The following TTN variants were observed in gnomAD, a reference collection of about 807,000 sequenced individuals.
TTN encodes the protein connectin.
A neutral mutation model predicts 3,223.0 loss-of-function variants in TTN; 1,525 were observed. The ratio of observed to expected loss-of-function variants is 0.47; its 90% CI spans 0.45 to 0.49. TTN has a LOEUF of 0.49. Among genes scored for constraint, TTN ranks in the 20% least tolerant of loss-of-function variants. The probability of loss-of-function intolerance (pLI) is 0.00; values close to 1 mark genes in which losing one functional copy is unlikely to be tolerated. For missense variants in TTN, 40,786 were observed against 43,424.0 expected (o/e 0.94, Z 5.40); for synonymous variants, 14,094 against 15,161.0 (o/e 0.93, Z 5.17).
intron 93 of TTN, 37 bp from the exon 94 acceptor site, chr2:178,713,012 TTTGTGAATTGTTATG>T (rs757421542): frequency 3.7e-6 from 6 of 1,605,776 alleles, no homozygotes; most frequent in Non-Finnish European, 5.1e-6. Context: ...AGGTTTAGTA[TTTGTGAATTGTTATG>T]ACAAACATGC....
At chr2:178,695,323 T>C in intron 115 of TTN, 25 bp downstream of exon 115, 1 of 1,590,920 alleles carries the variant, frequency 6.3e-7, no homozygotes, top group Non-Finnish European at 8.6e-7. Flanking sequence ...TGCTCTAGTC[T>C]ATTTAAATAT....
Position 178,554,584 on chromosome 2 carries a change from A to G in TTN, c.88763T>C (p.Leu29588Ser), listed in dbSNP as rs551991700. 5 of 1,613,908 alleles carry G rather than the reference A, an allele frequency of 3.1e-6. No homozygotes were observed. Among genetic ancestry groups the G allele is most frequent in the African/African-American group, 2.7e-5 (2 of 75,030 alleles). Reference protein sequence around the residue: ...RVVWSMVSEHLEECIITTTKI... With the variant: ...RVVWSMVSEHSEECIITTTKI... ...GGTGGTTGTAATGATGCACTCTTCCAAATGTTCAGACACCATAGACCACAC... is the reference window on the plus strand; with the variant it reads ...GGTGGTTGTAATGATGCACTCTTCCGAATGTTCAGACACCATAGACCACAC... Residue 29588 changes from leucine to serine, a missense_variant, in exon 332 of 363, where the codon TTG (leucine) becomes TCG (serine). Coordinates refer to ENST00000589042, the MANE Select transcript of TTN (RefSeq NM_001267550.2).
At chr2:178,659,581 A>C (rs2064364258) in intron 180 of TTN, among the ~76,000 whole-genome samples, 1 of 148,888 alleles carries the variant, frequency 6.7e-6, no homozygotes, top group African/African-American at 2.5e-5. Flanking sequence ...ACCCACAGCC[A>C]GTATCATACT....
rs794727457 is a variant in TTN at position 178,558,343 on chromosome 2, A to G, written c.87116T>C (p.Leu29039Pro). 6.2e-7 allele frequency: 1 copy of G among 1,610,688 alleles called. No individual in the cohort carries two copies. Among genetic ancestry groups the G allele is most frequent in the Admixed American group, 1.7e-5 (1 of 59,212 alleles). Residue 29039 changes from leucine to proline, a missense_variant and splice_region_variant, in exon 327 of 363, where the codon CTA becomes CCA. Leu to Pro is a moderately conservative substitution (Grantham distance 98, BLOSUM62 -3). Transcript: ENST00000589042. ...CTTCTACACAAAATTAGACATACCTAGTTGCTCCTTAATAAGAACAGGAAG... is the reference window on the plus strand; with the variant it reads ...CTTCTACACAAAATTAGACATACCTGGTTGCTCCTTAATAAGAACAGGAAG... ...LLLPVLIKEQ[L>P]EPPEIDMKNF... is the part of the protein sequence containing the mutation.
rs2071842421 is a variant in TTN at position 178,689,732 on chromosome 2, AACTC to A, written c.31846+77_31846+80del. On this transcript the variant is annotated intron_variant, in intron 122 of 362. Coordinates refer to ENST00000589042, the MANE Select transcript of TTN (RefSeq NM_001267550.2). ...CAAAACATTCATTTAGAATTAAACTAACTCAATGAACAGATAATTAAACACAACA... is the reference window on the plus strand; with the variant it reads ...CAAAACATTCATTTAGAATTAAACTAAATGAACAGATAATTAAACACAACA... The A allele has an allele frequency of 4.4e-5, 64 of 1,457,318 alleles. No individual in the cohort carries two copies. In the South Asian group the frequency reaches 8.1e-4, roughly 19 times the overall value. The allele number at this position is 1,457,318 out of a possible 1,614,324, so 90.3% of individuals were successfully genotyped here.
rs2075142035 is a variant in TTN, at chr2:178,702,259, T to C, written c.30434-14A>G. On this transcript the variant is annotated splice_polypyrimidine_tract_variant and intron_variant, in intron 107 of 362. Coordinates refer to ENST00000589042, the MANE Select transcript of TTN (RefSeq NM_001267550.2). ...CCGAGTAGACACCTAGGGTGAAAAA[T>C]CATCCAACTTTTGTTTTCTGATATG... 6.2e-7 allele frequency: 1 copy of C among 1,613,808 alleles called. No individual in the cohort carries two copies. The highest frequency in any genetic ancestry group is 1.1e-5 in the South Asian group (1 of 91,078).
chr2:178,729,391 G>T lies in TTN; in HGVS notation c.18765C>A (p.Asn6255Lys). The part of the protein sequence containing the change: ...YTLTDRVSVF[N>K]LHITKCDPSD... ...AAGGGTCACACTTGGTTATATGGAG[G>T]TTAAACACAGACACTCTGTCGGTCA... The change falls in exon 64 of 363, where the codon AAC becomes AAA. Residue 6255 changes from asparagine (N) to lysine (K), a missense_variant. By Grantham distance (94) the Asn-to-Lys change is moderately conservative. Coordinates refer to ENST00000589042, the MANE Select transcript of TTN (RefSeq NM_001267550.2). The T allele has an allele frequency of 6.2e-7, 1 of 1,613,594 alleles. No homozygotes were observed. The highest frequency in any genetic ancestry group is 8.5e-7 in the Non-Finnish European group (1 of 1,179,656).
In TTN at chr2:178,576,168, C is replaced by G; in HGVS notation, c.69964G>C (p.Ala23322Pro). ...ATCACCGCTGGCTCCCCAACACCTG[C>G]ATCGTTGATGGCACTGATTCTGAAG... Reference protein sequence around the residue: ...YNFRISAINDAGVGEPAVIPD... With the variant: ...YNFRISAINDPGVGEPAVIPD... Residue 23322 changes from alanine (A) to proline (P), a missense_variant, in exon 326 of 363, where the codon GCA (alanine) becomes CCA (proline). Physicochemically the swap from Ala to Pro is conservative, Grantham distance 27. Transcript: ENST00000589042. The surrounding 1 kb of genome is among the most constrained non-coding windows in gnomAD (Gnocchi z 4.3). 6.2e-7 allele frequency: 1 copy of G among 1,613,100 alleles called. No homozygotes were observed. The highest frequency in any genetic ancestry group is 1.1e-5 in the South Asian group (1 of 90,972).
intron 103 of TTN, 28 bp downstream of exon 103, chr2:178,705,146 G>C: frequency 2.5e-6 from 4 of 1,601,076 alleles, no homozygotes; most frequent in Non-Finnish European, 3.4e-6. Flanking sequence ...GACTTTTTTA[G>C]CATGATGCTA....
chr2:178,601,326 G>A lies in TTN; in HGVS notation c.55671C>T (p.Asn18557=), dbSNP rs1345376529. 1.2e-6 allele frequency: 2 copies of A among 1,608,728 alleles called. No individual in the cohort carries two copies. Among genetic ancestry groups the A allele is most frequent in the Admixed American group, 1.7e-5 (1 of 59,754 alleles). ...QQYFFRVRAE[N]RFGIGPPVET... ...CCACAGGTGGGCCAATACCAAAACG[G>A]TTTTCTGCTCGCACACGGAAGAAAT... is the stretch of plus-strand genomic sequence containing the variant. Residue 18557 remains asparagine (N), a synonymous_variant, in exon 287 of 363, where the codon AAC becomes AAT. Transcript: ENST00000589042.
At position 178,563,979 on chromosome 2, in the gene TTN, C is replaced by T; in HGVS notation, c.82153G>A (p.Glu27385Lys). 6.2e-7 allele frequency: 1 copy of T among 1,613,698 alleles called. No homozygotes were observed. Residue 27385 changes from glutamate to lysine, a missense_variant, in exon 326 of 363, where the codon GAA becomes AAA. By Grantham distance (56) the Glu-to-Lys change is moderately conservative. Coordinates refer to ENST00000589042, the MANE Select transcript of TTN (RefSeq NM_001267550.2). The surrounding 1 kb of genome is among the most constrained non-coding windows in gnomAD (Gnocchi z 4.5). ...GPLKVTGVTA[E>K]KCYLAWNPPL... ...GGGTTCCATGCCAGGTAACATTTTTCCGCAGTAACTCCAGTAACTTTCAGA... is the reference window on the plus strand; with the variant it reads ...GGGTTCCATGCCAGGTAACATTTTTTCGCAGTAACTCCAGTAACTTTCAGA...
Position 178,599,080 on chromosome 2 carries a change from T to C in TTN, c.56648-18A>G. 2 of 1,523,136 alleles carry C rather than the reference T, an allele frequency of 1.3e-6. No individual in the cohort carries two copies. The highest frequency in any genetic ancestry group is 1.4e-5 in the South Asian group (1 of 73,966). 94.4% of individuals were successfully genotyped at this position (1,523,136 alleles called of 1,614,324 possible). On this transcript the variant is annotated intron_variant, in intron 290 of 362. Transcript: ENST00000589042. ...AGGGACAGCTGTGAAAAAGATCATA[T>C]TGATTATAAGAAATTTAAAAAAAAA...
intron 34 of TTN, 160 bp from the exon 35 acceptor site, chr2:178,770,835 T>A: frequency 1.0e-6 from 1 of 974,502 alleles, no homozygotes; most frequent in Non-Finnish European, 1.6e-6. Context: ...TGAGATTATT[T>A]AGGGGAACCT....
At chr2:178,665,590 T>C (rs1486233480) in intron 164 of TTN, 118 bp downstream of exon 164, 1 of 1,288,648 alleles carries the variant, frequency 7.8e-7, no homozygotes, top group East Asian at 2.3e-5. Flanking sequence ...AGGTATACAA[T>C]CTTGAGGAGA....
At position 178,739,312 on chromosome 2, in the gene TTN, T is replaced by C; in HGVS notation, c.13921A>G (p.Asn4641Asp). 1 of 1,613,630 alleles carries C rather than the reference T, an allele frequency of 6.2e-7. No individual in the cohort carries two copies. Among genetic ancestry groups the C allele is most frequent in the Non-Finnish European group, 8.5e-7 (1 of 1,179,700 alleles). ...TTTTCATCTGAAGGCACCAGTTTAT[T>C]CTCAAAATACCAATTCACCTCTTTA... is the stretch of plus-strand genomic sequence containing the variant. Reference protein sequence around the residue: ...NAKEVNWYFENKLVPSDEKFK... With the variant: ...NAKEVNWYFEDKLVPSDEKFK... The change falls in exon 48 of 363, where the codon AAT becomes GAT. Residue 4641 changes from asparagine (N) to aspartate (D), a missense_variant. Asn to Asp is a conservative substitution (Grantham distance 23, BLOSUM62 1). Transcript: ENST00000589042.
chr2:178,757,178 A>G (rs6433729), intron 45 of TTN, among the ~76,000 whole-genome samples: 58,582 of 89,892 alleles, frequency 0.65, 22,858 homozygotes, highest in Middle Eastern at 0.79. Flanking sequence ...TACTGTACTT[A>G]CTTTAAGTAC....
intron 159 of TTN, among the ~76,000 whole-genome samples, chr2:178,668,671 G>T (rs2066394784): frequency 6.6e-6 from 1 of 151,210 alleles, no homozygotes; most frequent in South Asian, 2.1e-4. Context: ...GACGGAGGTT[G>T]CAGTGAGCCA....
At chr2:178,582,895 T>G in intron 313 of TTN, 45 bp downstream of exon 313, 1 of 1,415,278 alleles carries the variant, frequency 7.1e-7, no homozygotes, top group Non-Finnish European at 9.4e-7. Flanking sequence ...TTACATCCCA[T>G]TATCCAAAGT....
intron 165 of TTN, 68 bp from the exon 166 acceptor site, chr2:178,664,994 G>A (rs1038120086): frequency 1.2e-5 from 18 of 1,501,350 alleles, no homozygotes; most frequent in South Asian, 3.6e-5. Flanking sequence ...ACCACAATAA[G>A]TTAGGAAATA....
Sources: allele counts gnomAD v4.1 joint callset (sites outside exome capture counted in the v4.1 genomes callset), GRCh38; gene constraint gnomAD v4.1.1; non-coding constraint Gnocchi (gnomAD v3.1); transcripts MANE v1.5; gene names NCBI Gene and HGNC (gene_info 2026-07-23, HGNC 2026-07-21).